The following MACROD2 variants were observed in gnomAD, a reference collection of about 807,000 sequenced individuals.
MACROD2 encodes the protein mono-ADP ribosylhydrolase 2.
MACROD2 carries 36 observed loss-of-function variants against 70.4 expected under a neutral mutation model. The ratio of observed to expected loss-of-function variants is 0.51; its 90% CI spans 0.39 to 0.68. The LOEUF is 0.68. Ranked by LOEUF, MACROD2 falls within the 30% of genes least tolerant of loss-of-function variation. The pLI, the probability that MACROD2 is intolerant of heterozygous loss-of-function variation, is 0.00. For missense variants in MACROD2, 496 were observed against 538.4 expected, an observed-to-expected ratio of 0.92 and a Z score of 0.78; for synonymous variants, 172 against 178.8, an observed-to-expected ratio of 0.96 and a Z score of 0.30.
intron 8 of MACROD2, among the ~76,000 whole-genome samples, chr20:15,729,575 G>A (rs1205947244): frequency 6.6e-6 from 1 of 152,136 alleles, no homozygotes; most frequent in Non-Finnish European, 1.5e-5. Flanking sequence ...ACCCTGTGTT[G>A]AGTGCATATA....
At chr20:15,476,528 T>C (rs1420581319) in intron 7 of MACROD2, among the ~76,000 whole-genome samples, 2 of 151,950 alleles carry the variant, frequency 1.3e-5, no homozygotes, top group African/African-American at 4.8e-5. Flanking sequence ...AAAACAAACA[T>C]ACAGGCTTGG....
At chr20:14,261,536 T>C (rs918822211) in intron 3 of MACROD2, among the ~76,000 whole-genome samples, 1 of 152,124 alleles carries the variant, frequency 6.6e-6, no homozygotes. Context: ...TATCTACACA[T>C]GTGTGTGTAT....
At chr20:14,769,187 G>GTCA (rs2123766644) in intron 5 of MACROD2, among the ~76,000 whole-genome samples, 1 of 152,216 alleles carries the variant, frequency 6.6e-6, no homozygotes, top group Admixed American at 6.5e-5. Flanking sequence ...CCCCAGGGTA[G>GTCA]TCATCCTTCA....
intron 12 of MACROD2, among the ~76,000 whole-genome samples, chr20:15,939,865 C>T (rs2065724623): frequency 6.6e-6 from 1 of 152,006 alleles, no homozygotes; most frequent in African/African-American, 2.4e-5. Flanking sequence ...GATTCCAACC[C>T]TCATGGATGA....
intron 3 of MACROD2, among the ~76,000 whole-genome samples, chr20:14,375,843 T>C (rs2122759654): frequency 6.6e-6 from 1 of 152,334 alleles, no homozygotes; most frequent in South Asian, 2.1e-4. Flanking sequence ...AACAAACTGA[T>C]GGAGTATTCT....
intron 8 of MACROD2, among the ~76,000 whole-genome samples, chr20:15,748,202 A>G (rs2051213186): frequency 3.3e-5 from 5 of 152,108 alleles, no homozygotes; most frequent in Admixed American, 3.3e-4. Context: ...GGTCTAAAAT[A>G]TACCTCCTAC....
chr20:15,286,992 C>T (rs1332834428), intron 6 of MACROD2, among the ~76,000 whole-genome samples: 2 of 152,126 alleles, frequency 1.3e-5, no homozygotes, highest in Admixed American at 1.3e-4. Context: ...ACTGCATTTC[C>T]CTAGTCAAGG....
intron 3 of MACROD2, among the ~76,000 whole-genome samples, chr20:14,208,932 G>T (rs1273175176): frequency 6.6e-6 from 1 of 152,148 alleles, no homozygotes; most frequent in Non-Finnish European, 1.5e-5. Flanking sequence ...GAGGGATATG[G>T]CTCATTTTTT....
intron 9 of MACROD2, among the ~76,000 whole-genome samples, chr20:15,877,098 G>T (rs1408272828): frequency 6.6e-6 from 1 of 152,064 alleles, no homozygotes; most frequent in African/African-American, 2.4e-5. Context: ...TCTCACTTTG[G>T]ACTGGGCACT....
chr20:15,995,649 C>CTTTTTTT (rs71192310), intron 15 of MACROD2, among the ~76,000 whole-genome samples: 57 of 85,490 alleles, frequency 6.7e-4, no homozygotes, highest in African/African-American at 1.3e-3. Flanking sequence ...TATGCCCGGC[C>CTTTTTTT]TTTTTTTTTT....
At position 14,749,430 on chromosome 20, in the gene MACROD2, A is replaced by AAAGG. The variant is rs747062136; in HGVS notation, c.418+64489_418+64492dup. 5.9e-5 allele frequency among the ~76,000 whole-genome samples: 9 copies of AAAGG among 152,108 alleles called. No homozygotes were observed. In the South Asian group the frequency reaches 6.2e-4, roughly 11 times the overall value. On this transcript the variant is annotated intron_variant, in intron 5 of 17. Coordinates refer to ENST00000684519, the MANE Select transcript of MACROD2 (RefSeq NM_001351661.2). ...AGGAAGTAAAGGAAGGAAAAAAAGA[A>AAAGG]AAGGAAGGAAGGAAGGAAGGATCTC...
intron 3 of MACROD2, among the ~76,000 whole-genome samples, chr20:14,315,185 C>T (rs2082602714): frequency 6.6e-6 from 1 of 152,164 alleles, no homozygotes; most frequent in South Asian, 2.1e-4. Flanking sequence ...AATTCTAATT[C>T]TACCACTTAT....
At chr20:14,372,657 C>T (rs1203751142) in intron 3 of MACROD2, among the ~76,000 whole-genome samples, 4 of 152,132 alleles carry the variant, frequency 2.6e-5, no homozygotes, top group Non-Finnish European at 5.9e-5. Flanking sequence ...CCTTCCATCT[C>T]CCCATTCCTT....
intron 3 of MACROD2, among the ~76,000 whole-genome samples, chr20:14,372,069 G>T (rs1209907568): frequency 6.6e-6 from 1 of 152,076 alleles, no homozygotes; most frequent in Admixed American, 6.6e-5. Context: ...TGAGGGCAGG[G>T]ACCTTGCCTG....
At chr20:15,282,813 C>G (rs1038576134) in intron 6 of MACROD2, among the ~76,000 whole-genome samples, 10 of 152,174 alleles carry the variant, frequency 6.6e-5, no homozygotes, top group Non-Finnish European at 1.2e-4. Context: ...TTCTGGGTAT[C>G]TTTATTAGCA....
intron 13 of MACROD2, among the ~76,000 whole-genome samples, chr20:15,968,834 TATATAC>T (rs1333191253): frequency 1.5e-4 from 15 of 99,714 alleles, no homozygotes; most frequent in South Asian, 3.4e-4. Flanking sequence ...TATATATATA[TATATAC>T]ACACATATAC....
intron 3 of MACROD2, chr20:14,086,150 T>C (rs2054074348): frequency 2.8e-6 from 1 of 354,664 alleles, no homozygotes; most frequent in Admixed American, 3.5e-5. Context: ...AGTGAAAATA[T>C]AAAGAAATTA....
At chr20:14,646,896 T>C (rs1258660720) in intron 4 of MACROD2, among the ~76,000 whole-genome samples, 2 of 152,128 alleles carry the variant, frequency 1.3e-5, no homozygotes, top group Non-Finnish European at 2.9e-5. Flanking sequence ...GTTTGTGTGT[T>C]TCTTCATCTG....
chr20:14,683,043 C>A (rs1011387180), intron 4 of MACROD2, among the ~76,000 whole-genome samples: 2 of 151,970 alleles, frequency 1.3e-5, no homozygotes, highest in African/African-American at 2.4e-5. Context: ...CCACACCCGG[C>A]TAATTTTGTA....
Sources: gnomAD v4.1 joint callset for allele counts (sites outside exome capture counted in the v4.1 genomes callset) on GRCh38, gnomAD v4.1.1 for gene constraint, MANE v1.5 for transcripts, NCBI Gene and HGNC (gene_info 2026-07-23, HGNC 2026-07-21) for gene names.